Variants in VSTM4 observed in about 807,000 individuals in gnomAD.
VSTM4 encodes V-set and transmembrane domain-containing protein 4.
In VSTM4, 20 loss-of-function variants were observed where a neutral mutation model predicts 36.4. The ratio of observed to expected loss-of-function variants is 0.55; its 90% CI spans 0.39 to 0.80. The LOEUF (loss-of-function observed/expected upper bound fraction) is 0.80. Among genes scored for constraint, VSTM4 ranks in the 30% least tolerant of loss-of-function variants. The probability of loss-of-function intolerance (pLI) is 0.00; values close to 1 mark genes in which losing one functional copy is unlikely to be tolerated. For synonymous variants in VSTM4, 182 were observed against 173.9 expected (o/e 1.05, Z -0.37); for missense variants, 392 against 404.5 (o/e 0.97, Z 0.26).
chr10:49,019,542 C>T lies in VSTM4; in HGVS notation c.*108G>A. The T allele has an allele frequency of 7.1e-7, 1 of 1,408,022 alleles. No individual in the cohort carries two copies. The highest frequency in any genetic ancestry group is 9.3e-7 in the Non-Finnish European group (1 of 1,071,118). 87.2% of individuals were successfully genotyped at this position (1,408,022 alleles called of 1,614,324 possible). ...AATGCTGCTGAAAAGGGGCTCCCCA[C>T]CACTCAGAAGGCATGAGTGAAAATA... On this transcript the variant is annotated 3_prime_UTR_variant, in exon 8 of 8. Coordinates refer to ENST00000332853, the MANE Select transcript of VSTM4 (RefSeq NM_001031746.5).
At chr10:49,100,783 T>C (rs1293601591) in intron 2 of VSTM4, among the ~76,000 whole-genome samples, 2 of 135,950 alleles carry the variant, frequency 1.5e-5, no homozygotes, top group Admixed American at 7.3e-5. Context: ...ACTAAATGTA[T>C]AAGAATAGCT....
intron 5 of VSTM4, among the ~76,000 whole-genome samples, chr10:49,055,207 C>A (rs1015403370): frequency 6.6e-6 from 1 of 152,202 alleles, no homozygotes; most frequent in African/African-American, 2.4e-5. Flanking sequence ...TCCTTCCAGG[C>A]CCCCTGAGCT....
chr10:49,040,413 G>A (rs1295709793), intron 7 of VSTM4, among the ~76,000 whole-genome samples: 4 of 152,004 alleles, frequency 2.6e-5, no homozygotes, highest in Non-Finnish European at 5.9e-5. Context: ...CTCCTAAGTA[G>A]CTGGGATTAC....
At chr10:49,103,686 G>A (rs1185040923) in intron 2 of VSTM4, 4 of 1,600,538 alleles carry the variant, frequency 2.5e-6, no homozygotes, top group Non-Finnish European at 3.4e-6. Context: ...GAGAGACCAG[G>A]CACCAGCCTT....
chr10:49,111,118 C>T (rs1844885975), intron 1 of VSTM4, among the ~76,000 whole-genome samples: 2 of 152,216 alleles, frequency 1.3e-5, no homozygotes, highest in South Asian at 4.1e-4. Context: ...CCAGCCCTGC[C>T]TTAAACCCAG....
chr10:49,046,837 G>T, intron 7 of VSTM4, 146 bp downstream of exon 7: 1 of 770,820 alleles, frequency 1.3e-6, no homozygotes, highest in Non-Finnish European at 2.2e-6. Flanking sequence ...TCAAAAGCTG[G>T]CATCTGAGAA....
chr10:49,102,628 C>A (rs1400470393), intron 2 of VSTM4: 2 of 985,014 alleles, frequency 2.0e-6, no homozygotes, highest in Non-Finnish European at 2.4e-6. Context: ...TGTGGAGCCC[C>A]AAAAAATATG....
At chr10:49,094,987 A>C (rs1005190793) in intron 2 of VSTM4, among the ~76,000 whole-genome samples, 8 of 152,212 alleles carry the variant, frequency 5.3e-5, no homozygotes, top group Non-Finnish European at 7.3e-5. Context: ...AGAAACAATG[A>C]AACTCCAGCT....
chr10:49,078,477 GAC>G (rs56699372), intron 3 of VSTM4, among the ~76,000 whole-genome samples: 25,352 of 149,120 alleles, frequency 0.17, 2,368 homozygotes, highest in Non-Finnish European at 0.21. Flanking sequence ...ACAAACTATC[GAC>G]ACACACACCA....
chr10:49,056,222 C>A (rs1843776318), intron 5 of VSTM4, among the ~76,000 whole-genome samples: 1 of 152,268 alleles, frequency 6.6e-6, no homozygotes, highest in Non-Finnish European at 1.5e-5. Flanking sequence ...GGAAGCTCTT[C>A]CTTTGTATTT....
At chr10:49,090,572 G>A (rs1302750439) in intron 2 of VSTM4, among the ~76,000 whole-genome samples, 1 of 152,150 alleles carries the variant, frequency 6.6e-6, no homozygotes, top group Non-Finnish European at 1.5e-5. Context: ...TCCCAGGAAG[G>A]TGCAGGACTG....
chr10:49,063,871 C>T (rs948282369), intron 5 of VSTM4, among the ~76,000 whole-genome samples: 4 of 152,202 alleles, frequency 2.6e-5, no homozygotes, highest in Non-Finnish European at 5.9e-5. Flanking sequence ...TGAGCTCTTC[C>T]TCTGGTGCTC....
chr10:49,096,808 C>T (rs1281764855), intron 2 of VSTM4, among the ~76,000 whole-genome samples: 2 of 152,096 alleles, frequency 1.3e-5, no homozygotes, highest in East Asian at 1.9e-4. Context: ...TCTCCCGCCA[C>T]CATGCCCGGC....
chr10:49,072,709 C>T (rs1693107847), intron 4 of VSTM4, among the ~76,000 whole-genome samples: 1 of 152,190 alleles, frequency 6.6e-6, no homozygotes, highest in South Asian at 2.1e-4. Context: ...GGCTACCTTG[C>T]TGGTGACACC....
At chr10:49,103,731 T>C in intron 2 of VSTM4, 1 of 1,611,982 alleles carries the variant, frequency 6.2e-7, no homozygotes, top group Non-Finnish European at 8.5e-7. Flanking sequence ...GACAAGCAAT[T>C]TTATCTCACA....
At chr10:49,104,416 G>A (rs186078222) in intron 2 of VSTM4, among the ~76,000 whole-genome samples, 182 of 152,302 alleles carry the variant, frequency 1.2e-3, no homozygotes, top group African/African-American at 3.5e-3. Context: ...GCAGCCATGC[G>A]CCTCTCCTGG....
chr10:49,108,057 C>T, intron 1 of VSTM4, 62 bp from the exon 2 acceptor site: 1 of 1,488,160 alleles, frequency 6.7e-7, no homozygotes, highest in Non-Finnish European at 9.0e-7. Context: ...GTGGGCAGTC[C>T]ACAGTCGAGG....
At chr10:49,088,913 G>A (rs1037857237) in intron 2 of VSTM4, among the ~76,000 whole-genome samples, 5 of 152,202 alleles carry the variant, frequency 3.3e-5, no homozygotes, top group Admixed American at 6.5e-5. Flanking sequence ...TGTGGTCCAC[G>A]GGCCAGCAAT....
At chr10:49,042,987 G>A (rs150054643) in intron 7 of VSTM4, among the ~76,000 whole-genome samples, 1 of 152,274 alleles carries the variant, frequency 6.6e-6, no homozygotes, top group African/African-American at 2.4e-5. Context: ...TGGGTACATG[G>A]GCCCTGACAC....
Sources: allele counts gnomAD v4.1 joint callset (sites outside exome capture counted in the v4.1 genomes callset), GRCh38; gene constraint gnomAD v4.1.1; transcripts MANE v1.5; gene names NCBI Gene and HGNC (gene_info 2026-07-23, HGNC 2026-07-21).